The following PRKCE variants were observed in gnomAD, a reference collection of about 807,000 sequenced individuals.
PRKCE encodes the protein protein kinase C epsilon.
Under a neutral mutation model 85.4 loss-of-function variants are expected in PRKCE, and 16 were observed. The observed-to-expected ratio is 0.19, with a 90% confidence interval of 0.13 to 0.28. PRKCE has a LOEUF of 0.28. Among genes scored for constraint, PRKCE ranks in the 10% least tolerant of loss-of-function variants. PRKCE has a pLI of 1.00. For missense variants in PRKCE, 573 were observed against 975.2 expected (o/e 0.59, Z 5.49); for synonymous variants, 388 against 371.5 (o/e 1.04, Z -0.51).
At chr2:45,699,108 A>T (rs1165184500) in intron 1 of PRKCE, among the ~76,000 whole-genome samples, 1 of 151,372 alleles carries the variant, frequency 6.6e-6, no homozygotes, top group Non-Finnish European at 1.5e-5. Flanking sequence ...CCCATAATAT[A>T]TTTTTTTCCT....
chr2:45,739,414 A>G (rs1047735959), intron 1 of PRKCE, among the ~76,000 whole-genome samples: 1 of 152,174 alleles, frequency 6.6e-6, no homozygotes, highest in African/African-American at 2.4e-5. Context: ...CGCAAAGGGA[A>G]CAGATTGTAT....
At chr2:46,156,059 G>GA (rs35235256) in intron 13 of PRKCE, among the ~76,000 whole-genome samples, 7,666 of 138,540 alleles carry the variant, frequency 0.055, 212 homozygotes, top group Middle Eastern at 0.16. Flanking sequence ...TTGTTACGTG[G>GA]AAAAAAAAAA....
chr2:45,677,402 TGC>T (rs1409155863), intron 1 of PRKCE, among the ~76,000 whole-genome samples: 2 of 146,224 alleles, frequency 1.4e-5, no homozygotes, highest in Non-Finnish European at 3.0e-5. Context: ...CAGGCCGGAC[TGC>T]GGACTGCAGT....
chr2:45,917,583 A>G (rs2103894794), intron 2 of PRKCE, among the ~76,000 whole-genome samples: 1 of 152,366 alleles, frequency 6.6e-6, no homozygotes, highest in Non-Finnish European at 1.5e-5. Flanking sequence ...CGTCCCCACC[A>G]GATTCAGGAG....
intron 3 of PRKCE, 60 bp from the exon 4 acceptor site, chr2:45,978,916 T>A: frequency 6.5e-7 from 1 of 1,542,570 alleles, no homozygotes; most frequent in Non-Finnish European, 8.8e-7. Context: ...GGTTTTTCTG[T>A]TTGTTTTTTG....
intron 2 of PRKCE, among the ~76,000 whole-genome samples, chr2:45,918,085 C>T (rs1026191769): frequency 1.2e-4 from 18 of 152,212 alleles, no homozygotes; most frequent in African/African-American, 4.3e-4. Flanking sequence ...CCTGAGGGAG[C>T]CGGCTCCGGC....
At chr2:46,120,098 T>C (rs891441777) in intron 11 of PRKCE, among the ~76,000 whole-genome samples, 1 of 152,182 alleles carries the variant, frequency 6.6e-6, no homozygotes, top group African/African-American at 2.4e-5. Flanking sequence ...CTCCCCAACA[T>C]GAAGCTCAGA....
In PRKCE at chr2:46,155,146, A is replaced by ACTT. The variant is rs1328611162; in HGVS notation, c.1920+3919_1920+3921dup. Among the ~76,000 whole-genome samples, 2 of 152,172 alleles carry ACTT rather than the reference A, an allele frequency of 1.3e-5. No homozygotes were observed. Among genetic ancestry groups the ACTT allele is most frequent in the Non-Finnish European group, 2.9e-5 (2 of 68,034 alleles). On this transcript the variant is annotated intron_variant, in intron 13 of 14. Coordinates refer to ENST00000306156, the MANE Select transcript of PRKCE (RefSeq NM_005400.3). The surrounding 1 kb of genome is among the most constrained non-coding windows in gnomAD (Gnocchi z 4.7). Reference sequence around the variant, plus strand: ...TCATGATCCCCCAGCAGCAACGAGGACTTCACCTCACCAGATCTGGCTTTC... The same window carrying ACTT: ...TCATGATCCCCCAGCAGCAACGAGGACTTCTTCACCTCACCAGATCTGGCTTTC...
intron 2 of PRKCE, among the ~76,000 whole-genome samples, chr2:45,918,343 T>C (rs1384051595): frequency 6.6e-6 from 1 of 152,258 alleles, no homozygotes; most frequent in Non-Finnish European, 1.5e-5. Flanking sequence ...AGCTTTCTCT[T>C]GTCTAGTCTG....
At position 46,169,430 on chromosome 2, in the gene PRKCE, T is replaced by C. The variant is rs367667703; in HGVS notation, c.2067+9678T>C. Among the ~76,000 whole-genome samples, 9 of 152,324 alleles carry C rather than the reference T, an allele frequency of 5.9e-5. 1 individual carries two copies. The South Asian group carries it at 1.9e-3, about 32-fold the overall frequency. ...CAGCCCTTCACCCTCCATGTTCCTC[T>C]GGCTACTCCTTTCTGGACCTATTTC... On this transcript the variant is annotated intron_variant, in intron 14 of 14. Transcript: ENST00000306156.
At chr2:45,743,385 T>G (rs1026092618) in intron 1 of PRKCE, among the ~76,000 whole-genome samples, 1 of 152,182 alleles carries the variant, frequency 6.6e-6, no homozygotes, top group Non-Finnish European at 1.5e-5. Flanking sequence ...AAACACTTTT[T>G]GTCAATTATA....
At chr2:45,725,459 TC>T (rs370938847) in intron 1 of PRKCE, among the ~76,000 whole-genome samples, 27 of 152,320 alleles carry the variant, frequency 1.8e-4, no homozygotes, top group African/African-American at 6.5e-4. Flanking sequence ...GAAATACATT[TC>T]ATAAGGCTTT....
At chr2:45,702,748 G>A (rs1195521733) in intron 1 of PRKCE, among the ~76,000 whole-genome samples, 1 of 152,102 alleles carries the variant, frequency 6.6e-6, no homozygotes. Context: ...TCTAAGAAGA[G>A]CTTCTGCTAT....
intron 1 of PRKCE, among the ~76,000 whole-genome samples, chr2:45,757,596 G>C (rs1684117713): frequency 6.6e-6 from 1 of 152,150 alleles, no homozygotes. Context: ...GAGCCCAGGA[G>C]TTAGAGGTTA....
At chr2:46,055,420 C>G (rs935144123) in intron 10 of PRKCE, among the ~76,000 whole-genome samples, 5 of 152,232 alleles carry the variant, frequency 3.3e-5, no homozygotes, top group African/African-American at 1.2e-4. Flanking sequence ...AACTCTAGTT[C>G]CCTCCCATGA....
chr2:45,752,642 G>C (rs1219242658), intron 1 of PRKCE, among the ~76,000 whole-genome samples: 1 of 152,150 alleles, frequency 6.6e-6, no homozygotes, highest in South Asian at 2.1e-4. Flanking sequence ...TCATGAATTA[G>C]ACACTGAAGC....
intron 11 of PRKCE, among the ~76,000 whole-genome samples, chr2:46,107,906 T>A (rs1671885752): frequency 6.6e-6 from 1 of 152,166 alleles, no homozygotes; most frequent in South Asian, 2.1e-4. Flanking sequence ...AATTGAGTTG[T>A]TTTCTTATTG....
intron 11 of PRKCE, among the ~76,000 whole-genome samples, chr2:46,101,095 C>T (rs1671176261): frequency 6.6e-6 from 1 of 152,168 alleles, no homozygotes; most frequent in African/African-American, 2.4e-5. Flanking sequence ...TCTCAAACTC[C>T]TGACCTCGAG....
chr2:45,755,986 C>T (rs1683969480), intron 1 of PRKCE, among the ~76,000 whole-genome samples: 1 of 152,164 alleles, frequency 6.6e-6, no homozygotes, highest in South Asian at 2.1e-4. Context: ...GACTTTGCAT[C>T]CCCACTGCTG....
Sources: gnomAD v4.1 joint callset for allele counts (sites outside exome capture counted in the v4.1 genomes callset) on GRCh38, gnomAD v4.1.1 for gene constraint, Gnocchi (gnomAD v3.1) non-coding constraint, MANE v1.5 for transcripts, NCBI Gene and HGNC (gene_info 2026-07-23, HGNC 2026-07-21) for gene names.